The following HPSE2 variants were observed in gnomAD, a reference collection of about 807,000 sequenced individuals.
HPSE2 encodes the protein inactive heparanase-2.
A neutral mutation model predicts 60.5 loss-of-function variants in HPSE2; 38 were observed. The observed-to-expected ratio is 0.63, with a 90% CI of 0.48 to 0.82. HPSE2 has a LOEUF of 0.82. Ranked by LOEUF, HPSE2 falls within the 40% of genes least tolerant of loss-of-function variation. HPSE2 has a pLI of 0.00. For missense variants in HPSE2, 713 were observed against 740.4 expected (o/e 0.96, Z 0.43); for synonymous variants, 295 against 293.2 (o/e 1.01, Z -0.06).
chr10:98,968,802 G>A (rs1251187865), intron 3 of HPSE2, among the ~76,000 whole-genome samples: 1 of 151,990 alleles, frequency 6.6e-6, no homozygotes, highest in Non-Finnish European at 1.5e-5. Context: ...CTATGAGGAT[G>A]CAAAGCATAA....
intron 3 of HPSE2, among the ~76,000 whole-genome samples, chr10:99,072,923 G>A (rs1404794537): frequency 1.6e-4 from 14 of 89,124 alleles, no homozygotes; most frequent in African/African-American, 2.8e-4. Context: ...GCCAGGCTCC[G>A]TCTCAAAAAA....
At chr10:98,856,194 AAGAC>A (rs1008827622) in intron 3 of HPSE2, among the ~76,000 whole-genome samples, 1 of 152,156 alleles carries the variant, frequency 6.6e-6, no homozygotes, top group Non-Finnish European at 1.5e-5. Context: ...CAAAAAATTT[AAGAC>A]AAACAAAGAA....
At chr10:98,733,082 A>G (rs1033223171) in intron 4 of HPSE2, among the ~76,000 whole-genome samples, 1 of 152,108 alleles carries the variant, frequency 6.6e-6, no homozygotes, top group Admixed American at 6.6e-5. Flanking sequence ...TATCTCTTCT[A>G]TAAGGATGTA....
intron 3 of HPSE2, among the ~76,000 whole-genome samples, chr10:99,022,487 G>A (rs1234043085): frequency 6.6e-6 from 1 of 152,058 alleles, no homozygotes; most frequent in Non-Finnish European, 1.5e-5. Flanking sequence ...GGACTGAGGG[G>A]GCATGTGACA....
At chr10:99,035,308 C>T (rs367874282) in intron 3 of HPSE2, among the ~76,000 whole-genome samples, 43 of 152,190 alleles carry the variant, frequency 2.8e-4, no homozygotes, top group African/African-American at 7.9e-4. Flanking sequence ...AACAAACACA[C>T]GAACACATAT....
intron 4 of HPSE2, among the ~76,000 whole-genome samples, chr10:98,742,792 T>C (rs11189794): frequency 3.1e-4 from 45 of 147,316 alleles, no homozygotes; most frequent in East Asian, 1.2e-3. Context: ...CACACATACA[T>C]ACACACACAC....
intron 9 of HPSE2, among the ~76,000 whole-genome samples, chr10:98,560,617 C>A (rs2133872685): frequency 6.6e-6 from 1 of 152,344 alleles, no homozygotes; most frequent in African/African-American, 2.4e-5. Flanking sequence ...GACATTGCCT[C>A]CTTTAGATCA....
At chr10:98,695,976 T>G (rs190546515) in intron 5 of HPSE2, among the ~76,000 whole-genome samples, 7 of 152,254 alleles carry the variant, frequency 4.6e-5, no homozygotes, top group Admixed American at 4.6e-4. Flanking sequence ...GAAAACAGAT[T>G]AATATTCAAA....
At chr10:98,636,830 T>C (rs1946514060) in intron 7 of HPSE2, among the ~76,000 whole-genome samples, 1 of 152,202 alleles carries the variant, frequency 6.6e-6, no homozygotes, top group South Asian at 2.1e-4. Context: ...AAAGTGTTAT[T>C]TCCTCTTCTG....
intron 3 of HPSE2, among the ~76,000 whole-genome samples, chr10:99,012,674 A>G (rs1957044545): frequency 6.6e-6 from 1 of 152,166 alleles, no homozygotes; most frequent in African/African-American, 2.4e-5. Context: ...AATACTTCCC[A>G]TATGTAACAT....
intron 3 of HPSE2, among the ~76,000 whole-genome samples, chr10:98,765,107 T>G (rs561316604): frequency 6.6e-6 from 1 of 152,278 alleles, no homozygotes; most frequent in South Asian, 2.1e-4. Context: ...CACTTCTCTC[T>G]CAGTAATCAA....
At chr10:99,005,044 C>A (rs896169379) in intron 3 of HPSE2, among the ~76,000 whole-genome samples, 1 of 152,152 alleles carries the variant, frequency 6.6e-6, no homozygotes, top group African/African-American at 2.4e-5. Context: ...TATATGTGAT[C>A]TGCTTCTTTT....
intron 3 of HPSE2, among the ~76,000 whole-genome samples, chr10:99,057,229 T>C (rs751469748): frequency 1.3e-5 from 2 of 152,222 alleles, no homozygotes; most frequent in African/African-American, 4.8e-5. Context: ...AGTTACAATA[T>C]GGGAAAAACT....
At chr10:98,669,765 C>A (rs2134108231) in intron 6 of HPSE2, among the ~76,000 whole-genome samples, 2 of 152,230 alleles carry the variant, frequency 1.3e-5, no homozygotes, top group East Asian at 3.9e-4. Context: ...GGATGAAAAA[C>A]CATCTGTTGG....
intron 3 of HPSE2, among the ~76,000 whole-genome samples, chr10:98,976,343 C>T (rs1299524209): frequency 6.6e-6 from 1 of 152,128 alleles, no homozygotes; most frequent in Non-Finnish European, 1.5e-5. Flanking sequence ...AAATGTTTTA[C>T]ATGTATTAGC....
intron 9 of HPSE2, among the ~76,000 whole-genome samples, chr10:98,557,522 T>C (rs2133865946): frequency 6.6e-6 from 1 of 152,336 alleles, no homozygotes; most frequent in African/African-American, 2.4e-5. Context: ...AGGAAGATTT[T>C]AGAAACATAG....
At chr10:98,667,037 A>G (rs1280432510) in intron 6 of HPSE2, among the ~76,000 whole-genome samples, 1 of 56,524 alleles carries the variant, frequency 1.8e-5, no homozygotes, top group Non-Finnish European at 4.7e-5. Flanking sequence ...AGATTAACAA[A>G]GGAAAAAAAA....
intron 9 of HPSE2, among the ~76,000 whole-genome samples, chr10:98,563,158 T>C (rs1481670054): frequency 1.3e-5 from 2 of 152,178 alleles, no homozygotes; most frequent in Non-Finnish European, 2.9e-5. Context: ...AAAGTGGACA[T>C]AATTCAAATG....
chr10:98,698,680 CA>C (rs1423786476), intron 5 of HPSE2, among the ~76,000 whole-genome samples: 2 of 151,932 alleles, frequency 1.3e-5, no homozygotes, highest in Non-Finnish European at 2.9e-5. Context: ...AAAAACCCTT[CA>C]AAAAATTAAT....
Sources: gnomAD v4.1 joint callset for allele counts (sites outside exome capture counted in the v4.1 genomes callset) on GRCh38, gnomAD v4.1.1 for gene constraint, MANE v1.5 for transcripts, NCBI Gene and HGNC (gene_info 2026-07-23, HGNC 2026-07-21) for gene names.